The following LYPLAL1 variants were observed in gnomAD, a reference collection of about 807,000 sequenced individuals.
The protein encoded by LYPLAL1 is lysophospholipase-like protein 1.
In LYPLAL1, 23 loss-of-function variants were observed where a neutral mutation model predicts 19.7. The observed-to-expected ratio is 1.17, with a 90% CI of 0.84 to 1.65. The LOEUF (loss-of-function observed/expected upper bound fraction) is 1.65. Ranked by LOEUF, LYPLAL1 falls within the 40% of genes most tolerant of loss-of-function variation. The pLI, the probability that LYPLAL1 is intolerant of heterozygous loss-of-function variation, is 0.00. For missense variants in LYPLAL1, 355 were observed against 279.4 expected, an observed-to-expected ratio of 1.27 and a Z score of -1.93; for synonymous variants, 119 against 96.3, an observed-to-expected ratio of 1.24 and a Z score of -1.38.
chr1:219,347,011 C>T, the LYPLAL1 span, among the ~76,000 whole-genome samples: 2 of 152,218 alleles, frequency 1.3e-5, no homozygotes, highest in African/African-American at 2.4e-5. Context: ...TTTTAAACCA[C>T]ACAAGCACCT....
At chr1:219,348,147 G>C in the LYPLAL1 span, among the ~76,000 whole-genome samples, 1 of 152,294 alleles carries the variant, frequency 6.6e-6, no homozygotes, top group African/African-American at 2.4e-5. Flanking sequence ...TAAAACAAAC[G>C]CAGCTCTGCT....
At chr1:219,346,717 A>G in the LYPLAL1 span, among the ~76,000 whole-genome samples, 1 of 152,166 alleles carries the variant, frequency 6.6e-6, no homozygotes, top group Non-Finnish European at 1.5e-5. Context: ...TCATATTTAC[A>G]CATATAGGCT....
chr1:219,347,812 A>G, the LYPLAL1 span, among the ~76,000 whole-genome samples: 7 of 152,028 alleles, frequency 4.6e-5, no homozygotes, highest in African/African-American at 1.7e-4. Flanking sequence ...TGCATGAAGC[A>G]TATTTTCCCT....
the LYPLAL1 span, among the ~76,000 whole-genome samples, chr1:219,368,627 G>C: frequency 2.0e-5 from 3 of 152,194 alleles, no homozygotes; most frequent in Admixed American, 6.5e-5. Context: ...AGTGTCTGCT[G>C]TGGTGTCAAA....
At chr1:219,444,651 A>G in the LYPLAL1 span, among the ~76,000 whole-genome samples, 1 of 152,210 alleles carries the variant, frequency 6.6e-6, no homozygotes, top group Non-Finnish European at 1.5e-5. Flanking sequence ...AGTCAAAGTC[A>G]TTGTGCTTAC....
chr1:219,342,928 T>G, the LYPLAL1 span, among the ~76,000 whole-genome samples: 1 of 152,240 alleles, frequency 6.6e-6, no homozygotes, highest in Non-Finnish European at 1.5e-5. Context: ...GTCCCTTTTT[T>G]CTTATTGAAG....
intron 3 of LYPLAL1, among the ~76,000 whole-genome samples, chr1:219,209,094 A>G (rs984365433): frequency 6.6e-6 from 1 of 152,038 alleles, no homozygotes. Flanking sequence ...TTCTAATTAG[A>G]TGTATCTACA....
the LYPLAL1 span, among the ~76,000 whole-genome samples, chr1:219,412,462 C>CTATA: frequency 6.6e-6 from 1 of 152,136 alleles, no homozygotes; most frequent in African/African-American, 2.4e-5. Context: ...ATAGTAGAAA[C>CTATA]TATAGTGTGT....
At chr1:219,400,260 C>A in the LYPLAL1 span, among the ~76,000 whole-genome samples, 1 of 152,064 alleles carries the variant, frequency 6.6e-6, no homozygotes, top group East Asian at 1.9e-4. Flanking sequence ...GCAGCTGTTC[C>A]ATGTGGCAGC....
chr1:219,372,064 T>C, the LYPLAL1 span, among the ~76,000 whole-genome samples: 1 of 152,158 alleles, frequency 6.6e-6, no homozygotes, highest in Admixed American at 6.5e-5. Context: ...TCTAGTTCCA[T>C]GTGAATAAAT....
the LYPLAL1 span, among the ~76,000 whole-genome samples, chr1:219,306,206 C>G: frequency 6.6e-6 from 1 of 152,158 alleles, no homozygotes; most frequent in African/African-American, 2.4e-5. Flanking sequence ...TTGTCTTCAA[C>G]AAATGCATTG....
the LYPLAL1 span, among the ~76,000 whole-genome samples, chr1:219,324,795 T>A: frequency 2.0e-5 from 3 of 152,186 alleles, no homozygotes; most frequent in African/African-American, 7.2e-5. Context: ...ATTTTTGTTA[T>A]TGTGGCAAGT....
the LYPLAL1 span, among the ~76,000 whole-genome samples, chr1:219,357,175 T>C: frequency 2.0e-5 from 3 of 152,214 alleles, no homozygotes; most frequent in African/African-American, 7.2e-5. Context: ...AATAGCCAAA[T>C]GTGCCAATTT....
chr1:219,287,102 GT>G, the LYPLAL1 span, among the ~76,000 whole-genome samples: 1 of 152,152 alleles, frequency 6.6e-6, no homozygotes, highest in Non-Finnish European at 1.5e-5. Flanking sequence ...ATCGGTTTGG[GT>G]TTTTTAACTC....
chr1:219,193,080 A>C lies in LYPLAL1; in HGVS notation c.192-2A>C, dbSNP rs751304199. Reference sequence around the variant, plus strand: ...TTTTGGGGGGGGGCGGTTGTTAAACAGATCATATACTCCTATGAAAGGAGG... The same window carrying C: ...TTTTGGGGGGGGGCGGTTGTTAAACCGATCATATACTCCTATGAAAGGAGG... On this transcript the variant is annotated splice_acceptor_variant, in intron 2 of 4. Transcript: ENST00000366928. LOFTEE classifies it high-confidence loss of function. 9 of 1,573,030 alleles carry C rather than the reference A, an allele frequency of 5.7e-6. No individual in the cohort carries two copies. The highest frequency in any genetic ancestry group is 6.0e-6 in the Non-Finnish European group (7 of 1,157,890).
chr1:219,423,936 AT>A, the LYPLAL1 span, among the ~76,000 whole-genome samples: 2 of 151,494 alleles, frequency 1.3e-5, no homozygotes, highest in African/African-American at 2.4e-5. Context: ...CTTGTAAAGT[AT>A]ATACCATTCT....
intron 3 of LYPLAL1, among the ~76,000 whole-genome samples, chr1:219,202,890 T>C (rs1658236400): frequency 6.6e-6 from 1 of 152,110 alleles, no homozygotes; most frequent in African/African-American, 2.4e-5. Context: ...TCTCTCTATG[T>C]TGCCCAGGCT....
At chr1:219,421,402 C>T in the LYPLAL1 span, among the ~76,000 whole-genome samples, 4 of 152,108 alleles carry the variant, frequency 2.6e-5, no homozygotes, top group Non-Finnish European at 4.4e-5. Flanking sequence ...GAGGGTCAGC[C>T]GAAGTTGCAT....
At chr1:219,396,102 CAAAA>C in the LYPLAL1 span, among the ~76,000 whole-genome samples, 9 of 119,166 alleles carry the variant, frequency 7.6e-5, no homozygotes, top group Non-Finnish European at 8.9e-5. Flanking sequence ...GACTCCATCT[CAAAA>C]AAAAAAAAAA....
Sources: allele counts gnomAD v4.1 joint callset (sites outside exome capture counted in the v4.1 genomes callset), GRCh38; gene constraint gnomAD v4.1.1; transcripts MANE v1.5; gene names NCBI Gene and HGNC (gene_info 2026-07-23, HGNC 2026-07-21).